The following MAGI1 variants were observed in gnomAD, a reference collection of about 807,000 sequenced individuals.
MAGI1 encodes the protein membrane associated guanylate kinase, WW and PDZ domain containing 1, also known as membrane-associated guanylate kinase, WW and PDZ domain-containing protein 1.
A neutral mutation model predicts 139.9 loss-of-function variants in MAGI1; 58 were observed. That is an observed-to-expected ratio of 0.41 (90% CI 0.34 to 0.52). The LOEUF is 0.52. MAGI1 is among the 20% of genes least tolerant of loss of function. The pLI, the probability that MAGI1 is intolerant of heterozygous loss-of-function variation, is 0.12. For synonymous variants in MAGI1, 812 were observed against 737.9 expected (o/e 1.10, Z -1.63); for missense variants, 1,874 against 1,901.6 (o/e 0.99, Z 0.27).
chr3:65,556,757 A>G (rs1211230202), intron 2 of MAGI1, among the ~76,000 whole-genome samples: 3 of 152,202 alleles, frequency 2.0e-5, no homozygotes, highest in African/African-American at 7.2e-5. Flanking sequence ...GTAAAAACCA[A>G]CACAAAGTAA....
rs913609391 is a variant in MAGI1, at chr3:65,810,718, G to A, written c.314-188630C>T. 2.6e-4 allele frequency among the ~76,000 whole-genome samples: 40 copies of A among 152,158 alleles called. 1 individual carries two copies. The highest frequency in any genetic ancestry group is 8.8e-5 in the Non-Finnish European group (6 of 68,028). ...GCAATCAGCCAGCGAGGGAAAGCCC[G>A]CACTCCACAAAATGCAAGGAGTAGA... On this transcript the variant is annotated intron_variant, in intron 1 of 22. Coordinates refer to ENST00000402939, the MANE Select transcript of MAGI1 (RefSeq NM_001033057.2).
At chr3:65,443,777 T>C (rs72896320) in intron 7 of MAGI1, among the ~76,000 whole-genome samples, 2,718 of 152,272 alleles carry the variant, frequency 0.018, 75 homozygotes, top group African/African-American at 0.063. Flanking sequence ...GGCAAACTTA[T>C]GTAACACCAC....
At chr3:65,728,573 C>G (rs1030852165) in intron 1 of MAGI1, among the ~76,000 whole-genome samples, 6 of 152,056 alleles carry the variant, frequency 3.9e-5, no homozygotes, top group Admixed American at 3.3e-4. Context: ...CCTAAAATTC[C>G]AAATCCTGGA....
intron 2 of MAGI1, chr3:65,499,069 AAAAAC>A: frequency 1.0e-6 from 1 of 979,160 alleles, no homozygotes; most frequent in Non-Finnish European, 1.2e-6. Flanking sequence ...TTAAAAAAAA[AAAAAC>A]AAAAAACTCT....
chr3:66,004,876 A>C (rs904770302), intron 1 of MAGI1, among the ~76,000 whole-genome samples: 1 of 152,180 alleles, frequency 6.6e-6, no homozygotes, highest in African/African-American at 2.4e-5. Flanking sequence ...AAGCCCACCA[A>C]GGTGCCTTTG....
intron 1 of MAGI1, among the ~76,000 whole-genome samples, chr3:65,679,318 T>C (rs536257592): frequency 6.6e-6 from 1 of 152,204 alleles, no homozygotes; most frequent in Non-Finnish European, 1.5e-5. Flanking sequence ...CAGACAGCCA[T>C]GGTGATAAGA....
At chr3:66,020,881 C>T (rs1161323812) in intron 1 of MAGI1, among the ~76,000 whole-genome samples, 14 of 152,156 alleles carry the variant, frequency 9.2e-5, no homozygotes, top group Non-Finnish European at 1.0e-4. Context: ...CCCTAACCTA[C>T]TTCACCTGGG....
chr3:65,926,367 CT>C, intron 1 of MAGI1, among the ~76,000 whole-genome samples: 1 of 150,960 alleles, frequency 6.6e-6, no homozygotes, highest in African/African-American at 2.4e-5. Context: ...CTCTCTCTCT[CT>C]CCCTCTTTCC....
chr3:65,372,372 A>G (rs1238928584), intron 18 of MAGI1, among the ~76,000 whole-genome samples: 2 of 152,188 alleles, frequency 1.3e-5, no homozygotes, highest in African/African-American at 4.8e-5. Context: ...GTGGGCTTAA[A>G]ATACTCAATA....
At chr3:65,733,428 T>A (rs924397904) in intron 1 of MAGI1, among the ~76,000 whole-genome samples, 3 of 152,194 alleles carry the variant, frequency 2.0e-5, no homozygotes, top group Non-Finnish European at 2.9e-5. Flanking sequence ...TTTTAGAATG[T>A]TTGACCTCAA....
At chr3:65,519,335 G>GACACACAC (rs35232258) in intron 2 of MAGI1, among the ~76,000 whole-genome samples, 1 of 139,248 alleles carries the variant, frequency 7.2e-6, no homozygotes, top group African/African-American at 2.7e-5. Context: ...ATCATGATCT[G>GACACACAC]ACACACACAC....
At chr3:65,510,278 C>G (rs2077515594) in intron 2 of MAGI1, among the ~76,000 whole-genome samples, 1 of 152,334 alleles carries the variant, frequency 6.6e-6, no homozygotes, top group East Asian at 1.9e-4. Context: ...CAGTTCCTCA[C>G]CAGCAACGGA....
intron 1 of MAGI1, among the ~76,000 whole-genome samples, chr3:65,970,237 C>T (rs2064956704): frequency 2.0e-5 from 3 of 152,150 alleles, no homozygotes; most frequent in Non-Finnish European, 2.9e-5. Flanking sequence ...CTATGCCGAT[C>T]ACAAAAGGAC....
chr3:65,384,970 G>A (rs1003376639), intron 14 of MAGI1, among the ~76,000 whole-genome samples: 1 of 152,060 alleles, frequency 6.6e-6, no homozygotes, highest in African/African-American at 2.4e-5. Flanking sequence ...AATCAGCCAG[G>A]CCTCCAAATC....
intron 1 of MAGI1, among the ~76,000 whole-genome samples, chr3:65,986,708 G>A (rs771712432): frequency 2.0e-5 from 3 of 152,180 alleles, no homozygotes; most frequent in Non-Finnish European, 2.9e-5. Flanking sequence ...AGCTTTTTGC[G>A]TAAATATTCT....
chr3:65,604,479 G>A (rs572624414), intron 2 of MAGI1, among the ~76,000 whole-genome samples: 6 of 152,250 alleles, frequency 3.9e-5, no homozygotes, highest in African/African-American at 7.2e-5. Flanking sequence ...ACAGAGAAAC[G>A]ATATCAGAGT....
rs368492243 is a variant in MAGI1, at chr3:65,364,632, A to C, written c.3351+33T>G. Reference sequence around the variant, plus strand: ...TTGAGAAAGTTGGAAGGAAACGTGCAAAGTATAGAGAAAAAAGAGACATGG... The same window carrying C: ...TTGAGAAAGTTGGAAGGAAACGTGCCAAGTATAGAGAAAAAAGAGACATGG... On this transcript the variant is annotated intron_variant, in intron 20 of 22. Coordinates refer to ENST00000402939, the MANE Select transcript of MAGI1 (RefSeq NM_001033057.2). 5 of 1,593,646 alleles carry C rather than the reference A, an allele frequency of 3.1e-6. No individual in the cohort carries two copies. In the East Asian group the frequency reaches 8.9e-5, roughly 28 times the overall value.
chr3:65,623,460 T>A (rs1251777657), intron 1 of MAGI1, among the ~76,000 whole-genome samples: 1 of 152,238 alleles, frequency 6.6e-6, no homozygotes, highest in Non-Finnish European at 1.5e-5. Context: ...TAGATCAACC[T>A]AACTAGCATT....
At chr3:65,701,208 T>C (rs1000420846) in intron 1 of MAGI1, among the ~76,000 whole-genome samples, 12 of 151,012 alleles carry the variant, frequency 7.9e-5, no homozygotes, top group Non-Finnish European at 1.3e-4. Context: ...GATGTACCAA[T>C]AGATTATCTA....
Sources: gnomAD v4.1 joint callset for allele counts (sites outside exome capture counted in the v4.1 genomes callset) on GRCh38, gnomAD v4.1.1 for gene constraint, MANE v1.5 for transcripts, NCBI Gene and HGNC (gene_info 2026-07-23, HGNC 2026-07-21) for gene names.